The following SORCS1 variants were observed in gnomAD, a reference collection of about 807,000 sequenced individuals.
SORCS1 encodes the protein sortilin related VPS10 domain containing receptor 1.
A neutral mutation model predicts 146.1 loss-of-function variants in SORCS1; 60 were observed. The observed-to-expected ratio is 0.41, with a 90% confidence interval of 0.33 to 0.51. SORCS1 has a LOEUF of 0.51. Among genes scored for constraint, SORCS1 ranks in the 20% least tolerant of loss-of-function variants. SORCS1 has a pLI of 0.21. For synonymous variants in SORCS1, 637 were observed against 584.0 expected (o/e 1.09, Z -1.31); for missense variants, 1,352 against 1,487.6 (o/e 0.91, Z 1.50).
intron 14 of SORCS1, 52 bp from the exon 15 acceptor site, chr10:106,673,037 T>C (rs1315391954): frequency 7.0e-7 from 1 of 1,437,208 alleles, no homozygotes. Flanking sequence ...ATGTAATGAG[T>C]AATAACAACA....
chr10:106,921,028 A>G (rs1195489236), intron 2 of SORCS1, among the ~76,000 whole-genome samples: 3 of 152,174 alleles, frequency 2.0e-5, no homozygotes, highest in Admixed American at 2.0e-4. Flanking sequence ...CCACGGCAAG[A>G]ACATCTCTAG....
At chr10:106,666,630 C>T (rs143782379) in intron 17 of SORCS1, among the ~76,000 whole-genome samples, 9,292 of 151,042 alleles carry the variant, frequency 0.062, 444 homozygotes, top group African/African-American at 0.13. Flanking sequence ...AATCCCGGCT[C>T]ACTGCAACCT....
At chr10:107,179,677 A>G in the SORCS1 span, among the ~76,000 whole-genome samples, 2 of 152,092 alleles carry the variant, frequency 1.3e-5, no homozygotes, top group Non-Finnish European at 2.9e-5. Context: ...TCTCTTATGG[A>G]TAATAACTTT....
At chr10:106,955,836 C>CA (rs1468482877) in intron 2 of SORCS1, among the ~76,000 whole-genome samples, 4 of 151,866 alleles carry the variant, frequency 2.6e-5, no homozygotes, top group African/African-American at 9.7e-5. Context: ...ACCAAATATA[C>CA]AAAAAAATTA....
At chr10:106,900,180 T>C (rs771859847) in intron 2 of SORCS1, among the ~76,000 whole-genome samples, 3 of 152,164 alleles carry the variant, frequency 2.0e-5, no homozygotes, top group African/African-American at 7.2e-5. Flanking sequence ...TTTGAAACAG[T>C]GAACGCTTAC....
At chr10:106,872,228 G>A (rs531970491) in intron 2 of SORCS1, among the ~76,000 whole-genome samples, 5 of 152,318 alleles carry the variant, frequency 3.3e-5, no homozygotes, top group African/African-American at 1.2e-4. Context: ...ACGCATTTGA[G>A]AATAAATCTG....
chr10:107,116,871 C>A (rs1235065942), intron 1 of SORCS1, among the ~76,000 whole-genome samples: 2 of 152,094 alleles, frequency 1.3e-5, no homozygotes, highest in African/African-American at 2.4e-5. Flanking sequence ...AAGAAATAAT[C>A]TTGCTATCAA....
intron 24 of SORCS1, among the ~76,000 whole-genome samples, chr10:106,596,959 C>G (rs1222222075): frequency 6.6e-6 from 1 of 152,126 alleles, no homozygotes; most frequent in Non-Finnish European, 1.5e-5. Context: ...TCAAGCGATT[C>G]TCCTGCCTCA....
At chr10:107,091,380 T>G (rs924574461) in intron 1 of SORCS1, among the ~76,000 whole-genome samples, 5 of 152,228 alleles carry the variant, frequency 3.3e-5, no homozygotes. Flanking sequence ...ATGATAACAA[T>G]CCATTGTTTC....
rs200234081 is a variant in SORCS1 at position 106,607,206 on chromosome 10, G to C, written c.3125C>G (p.Pro1042Arg). Residue 1042 changes from proline (P) to arginine (R), a missense_variant, in exon 23 of 26, where the codon CCA becomes CGA. Around this residue, in one of 3 missense-constraint regions of SORCS1, gnomAD observed 214 missense variants for 204.8 expected, o/e 1.05. Coordinates refer to ENST00000263054, the MANE Select transcript of SORCS1 (RefSeq NM_052918.5). ...AELFVLPYQD[P>R]AGENKRSTDD... ...AGTTGACCTTTTGTTTTCTCCAGCT[G>C]GATCCTGATAGGGTAGGACAAAGAG... 8.7e-6 allele frequency: 14 copies of C among 1,614,116 alleles called. No homozygotes were observed. Among genetic ancestry groups the C allele is most frequent in the Middle Eastern group, 1.7e-4 (1 of 6,060 alleles).
At chr10:106,663,589 T>C (rs1404096170) in intron 17 of SORCS1, among the ~76,000 whole-genome samples, 6 of 152,210 alleles carry the variant, frequency 3.9e-5, no homozygotes, top group African/African-American at 1.2e-4. Flanking sequence ...TACCACTGAA[T>C]CAACACATAG....
intron 1 of SORCS1, among the ~76,000 whole-genome samples, chr10:106,996,972 T>C (rs1000063021): frequency 6.6e-6 from 1 of 152,096 alleles, no homozygotes; most frequent in Admixed American, 6.5e-5. Context: ...TTTTCTTGGA[T>C]TTTCTCTTCA....
intron 1 of SORCS1, among the ~76,000 whole-genome samples, chr10:107,112,270 T>C (rs780379439): frequency 3.3e-5 from 5 of 152,088 alleles, no homozygotes; most frequent in Admixed American, 6.5e-5. Context: ...AGTACAAACA[T>C]AGAGTTCTTG....
chr10:106,959,086 AC>A (rs1955099456), intron 1 of SORCS1, among the ~76,000 whole-genome samples: 1 of 152,072 alleles, frequency 6.6e-6, no homozygotes, highest in Admixed American at 6.5e-5. Context: ...CGGAGAAGGA[AC>A]CCTTTAACCC....
At chr10:106,949,721 A>G (rs1027325469) in intron 2 of SORCS1, among the ~76,000 whole-genome samples, 10 of 152,194 alleles carry the variant, frequency 6.6e-5, no homozygotes, top group African/African-American at 2.4e-4. Flanking sequence ...TGAGAAGTAC[A>G]TACTTCTGGA....
chr10:106,936,271 T>G (rs543409973), intron 2 of SORCS1, among the ~76,000 whole-genome samples: 1 of 152,288 alleles, frequency 6.6e-6, no homozygotes, highest in South Asian at 2.1e-4. Flanking sequence ...CTCAGTTGCA[T>G]AATCTTCTAA....
intron 1 of SORCS1, among the ~76,000 whole-genome samples, chr10:107,133,947 CAT>C (rs1240717708): frequency 6.6e-6 from 1 of 152,170 alleles, no homozygotes; most frequent in Non-Finnish European, 1.5e-5. Context: ...ACGAAGAAAA[CAT>C]ATGCAGAACT....
At chr10:106,946,288 G>T (rs1954339614) in intron 2 of SORCS1, among the ~76,000 whole-genome samples, 1 of 152,156 alleles carries the variant, frequency 6.6e-6, no homozygotes, top group Non-Finnish European at 1.5e-5. Context: ...AATAAGACAT[G>T]GTCATAGTCT....
At chr10:106,685,110 T>C (rs1438166679) in intron 10 of SORCS1, among the ~76,000 whole-genome samples, 1 of 152,226 alleles carries the variant, frequency 6.6e-6, no homozygotes, top group Non-Finnish European at 1.5e-5. Context: ...TTTTGTTAAC[T>C]TTGGGTTCCA....
Sources: gnomAD v4.1 joint callset for allele counts (sites outside exome capture counted in the v4.1 genomes callset) on GRCh38, gnomAD v4.1.1 for gene constraint, gnomAD v4.1.1 regional missense constraint, MANE v1.5 for transcripts, NCBI Gene and HGNC (gene_info 2026-07-23, HGNC 2026-07-21) for gene names.